The following PHF21B variants were observed in gnomAD, a reference collection of about 807,000 sequenced individuals.
PHF21B encodes the protein PHD finger protein 21B.
A neutral mutation model predicts 62.2 loss-of-function variants in PHF21B; 22 were observed. The ratio of observed to expected loss-of-function variants is 0.35; its 90% CI spans 0.25 to 0.51. The LOEUF (loss-of-function observed/expected upper bound fraction) is 0.51. PHF21B is among the 20% of genes least tolerant of loss of function. The probability of loss-of-function intolerance (pLI) is 0.97; values close to 1 mark genes in which losing one functional copy is unlikely to be tolerated. For synonymous variants in PHF21B, 341 were observed against 314.7 expected, an observed-to-expected ratio of 1.08 and a Z score of -0.88; for missense variants, 701 against 707.9, an observed-to-expected ratio of 0.99 and a Z score of 0.11.
chr22:44,895,917 C>T (rs142637767), intron 6 of PHF21B, 115 bp downstream of exon 6: 5 of 1,125,210 alleles, frequency 4.4e-6, no homozygotes, highest in Non-Finnish European at 6.7e-6. Flanking sequence ...GGCCACGCTC[C>T]ACCCATATCG....
intron 2 of PHF21B, among the ~76,000 whole-genome samples, chr22:44,985,433 C>T (rs1370837068): frequency 6.6e-6 from 1 of 151,748 alleles, no homozygotes; most frequent in Non-Finnish European, 1.5e-5. Context: ...CAGTGAGACC[C>T]TGTCTCTAAC....
At chr22:44,943,207 G>T (rs1369410077) in intron 2 of PHF21B, among the ~76,000 whole-genome samples, 1 of 152,148 alleles carries the variant, frequency 6.6e-6, no homozygotes, top group African/African-American at 2.4e-5. Flanking sequence ...CTGGAGAAAA[G>T]AGCTGCCTGT....
In PHF21B at chr22:45,008,932, AG is replaced by A. The variant is rs1247238746; in HGVS notation, c.55-323del. 1.0e-5 allele frequency: 11 copies of A among 1,098,594 alleles called. No individual in the cohort carries two copies. The East Asian group carries it at 1.5e-4, about 15-fold the overall frequency. The allele number at this position is 1,098,594 out of a possible 1,614,324, so 68.1% of individuals were successfully genotyped here. On this transcript the variant is annotated intron_variant, in intron 1 of 12. Coordinates refer to ENST00000313237, the MANE Select transcript of PHF21B (RefSeq NM_138415.5). ...TGTGAGTGTGAGTGTGTGCCGGGGG[AG>A]GGGGGAGGAACAAAGAGCCAAGTAA...
At position 44,893,566 on chromosome 22, in the gene PHF21B, C is replaced by T. The variant is rs557451009; in HGVS notation, c.884-33G>A. 4.5e-6 allele frequency: 7 copies of T among 1,566,012 alleles called. No homozygotes were observed. The South Asian group carries it at 7.0e-5, about 16-fold the overall frequency. ...GGCACAGACACAGCAGTTACTGGGT[C>T]CTGCCTGCCCTGGGAACCCCAAATG... is the stretch of plus-strand genomic sequence containing the variant. On this transcript the variant is annotated intron_variant, in intron 6 of 12. Coordinates refer to ENST00000313237, the MANE Select transcript of PHF21B (RefSeq NM_138415.5).
chr22:44,939,899 A>G (rs1023258174), intron 2 of PHF21B, among the ~76,000 whole-genome samples: 14 of 152,056 alleles, frequency 9.2e-5, no homozygotes, highest in Non-Finnish European at 4.4e-5. Context: ...GGAGGTGAGG[A>G]TGAGTAAGAC....
chr22:44,897,992 A>G (rs2071089754), intron 5 of PHF21B, among the ~76,000 whole-genome samples: 2 of 152,066 alleles, frequency 1.3e-5, no homozygotes, highest in South Asian at 2.1e-4. Flanking sequence ...AATTTTTTGT[A>G]GAGATGAGGT....
Position 44,882,833 on chromosome 22 carries a change from G to T in PHF21B, c.*253C>A. 1.1e-5 allele frequency: 5 copies of T among 468,992 alleles called. No homozygotes were observed. Among genetic ancestry groups the T allele is most frequent in the South Asian group, 3.2e-5 (1 of 31,440 alleles). The allele number at this position is 468,992 out of a possible 1,614,324, so 29.1% of individuals were successfully genotyped here. On this transcript the variant is annotated 3_prime_UTR_variant, in exon 13 of 13. Transcript: ENST00000313237. ...GGCAGCCCCGAGGTGGCCGGGGGGA[G>T]ACTGTGTGCCCCAGCCTGTCGTACC...
rs533237176 is a variant in PHF21B at position 44,916,038 on chromosome 22, C to A, written c.564+242G>T. On this transcript the variant is annotated intron_variant, in intron 4 of 12. Transcript: ENST00000313237. Reference sequence around the variant, plus strand: ...ATTAATTCATGCAGCCGTATTGTCTCTGGATCGCATATTCATTCATTTGTT... The same window carrying A: ...ATTAATTCATGCAGCCGTATTGTCTATGGATCGCATATTCATTCATTTGTT... 6.2e-4 allele frequency among the ~76,000 whole-genome samples: 95 copies of A among 152,334 alleles called. 1 individual carries two copies. The South Asian group carries it at 0.019, about 31-fold the overall frequency.
At chr22:44,968,455 C>A (rs895633817) in intron 2 of PHF21B, among the ~76,000 whole-genome samples, 1 of 152,030 alleles carries the variant, frequency 6.6e-6, no homozygotes, top group East Asian at 1.9e-4. Context: ...ACCAGCCTGG[C>A]CAACATGGCA....
At chr22:44,888,689 C>T (rs780295361) in intron 9 of PHF21B, among the ~76,000 whole-genome samples, 2 of 152,230 alleles carry the variant, frequency 1.3e-5, no homozygotes, top group South Asian at 2.1e-4. Context: ...CCAGAGAGCT[C>T]TCCTCTGGGA....
chr22:45,004,179 T>C (rs1163475415), intron 2 of PHF21B, among the ~76,000 whole-genome samples: 2 of 152,180 alleles, frequency 1.3e-5, no homozygotes, highest in East Asian at 3.9e-4. Flanking sequence ...TACAGATCTG[T>C]CAATATGCTA....
At chr22:44,963,216 C>T (rs1260136429) in intron 2 of PHF21B, among the ~76,000 whole-genome samples, 4 of 152,242 alleles carry the variant, frequency 2.6e-5, no homozygotes, top group Non-Finnish European at 5.9e-5. Context: ...CTGGCAGCCA[C>T]GCTCACATCA....
At chr22:44,974,763 G>A (rs752554987) in intron 2 of PHF21B, among the ~76,000 whole-genome samples, 10 of 152,318 alleles carry the variant, frequency 6.6e-5, no homozygotes, top group Non-Finnish European at 1.0e-4. Flanking sequence ...AAATCAGAGC[G>A]CTGAGCGTGA....
chr22:44,906,935 G>C (rs1044791053), intron 5 of PHF21B, among the ~76,000 whole-genome samples: 1 of 152,104 alleles, frequency 6.6e-6, no homozygotes. Context: ...GTGAGACTCA[G>C]TGGCGATCAG....
chr22:44,960,850 C>A (rs1293135415), intron 2 of PHF21B, among the ~76,000 whole-genome samples: 3 of 152,082 alleles, frequency 2.0e-5, no homozygotes, highest in Admixed American at 1.3e-4. Context: ...AGGTCTCCAG[C>A]CTCCTTTTGG....
At chr22:44,884,536 T>C (rs1285395944) in intron 12 of PHF21B, among the ~76,000 whole-genome samples, 7 of 135,490 alleles carry the variant, frequency 5.2e-5, no homozygotes, top group African/African-American at 1.1e-4. Context: ...AGCACCATCA[T>C]CACCACCATC....
intron 2 of PHF21B, among the ~76,000 whole-genome samples, chr22:44,947,458 A>G (rs541639862): frequency 9.2e-5 from 14 of 152,310 alleles, no homozygotes; most frequent in East Asian, 7.7e-4. Flanking sequence ...CCCCTGCCCT[A>G]TAGAACCTCT....
intron 5 of PHF21B, among the ~76,000 whole-genome samples, chr22:44,903,594 T>C (rs1412639237): frequency 1.3e-5 from 2 of 152,240 alleles, no homozygotes; most frequent in African/African-American, 2.4e-5. Flanking sequence ...ATCAACTGGC[T>C]TCATTCTGAT....
rs1013117549 is a variant in PHF21B, at chr22:44,895,221, C to T, written c.883+811G>A. ...GCCCTGGGACCCTGGGCAAGTGAATCAGCTTCCCTGGCCTCAGCTTCCCCA... is the reference window on the plus strand; with the variant it reads ...GCCCTGGGACCCTGGGCAAGTGAATTAGCTTCCCTGGCCTCAGCTTCCCCA... On this transcript the variant is annotated intron_variant, in intron 6 of 12. Transcript: ENST00000313237. Among the ~76,000 whole-genome samples the T allele has an allele frequency of 3.9e-5, 6 of 152,130 alleles. No homozygotes were observed. The East Asian group carries it at 1.2e-3, about 29-fold the overall frequency.
Sources: allele counts gnomAD v4.1 joint callset (sites outside exome capture counted in the v4.1 genomes callset), GRCh38; gene constraint gnomAD v4.1.1; transcripts MANE v1.5; gene names NCBI Gene and HGNC (gene_info 2026-07-23, HGNC 2026-07-21).